UXS1: variants seen among roughly 807,000 people sequenced by gnomAD.
UXS1 encodes UDP-glucuronic acid decarboxylase 1.
In UXS1, 33 loss-of-function variants were observed where a neutral mutation model predicts 62.6. The observed-to-expected ratio is 0.53, with a 90% confidence interval of 0.40 to 0.70. UXS1 has a LOEUF of 0.70. UXS1 is among the 30% of genes least tolerant of loss of function. UXS1 has a pLI of 0.00. For missense variants in UXS1, 434 were observed against 556.3 expected, an observed-to-expected ratio of 0.78 and a Z score of 2.21; for synonymous variants, 213 against 206.8, an observed-to-expected ratio of 1.03 and a Z score of -0.26.
At position 106,096,211 on chromosome 2, in the gene UXS1, T is replaced by C. The variant is rs563972761; in HGVS notation, c.1146+507A>G. Among the ~76,000 whole-genome samples, 54 of 152,160 alleles carry C rather than the reference T, an allele frequency of 3.5e-4. No homozygotes were observed. In the South Asian group the frequency reaches 0.01, roughly 29 times the overall value. On this transcript the variant is annotated intron_variant, in intron 14 of 14. Coordinates refer to ENST00000283148, the MANE Select transcript of UXS1 (RefSeq NM_001253875.2). ...GTGTGTGTGTGTGTGTGTGTATGTA[T>C]GTGGGAGAGGGAGTGTATGTGTGAA...
chr2:106,104,321 T>TG (rs1677865888), intron 11 of UXS1, among the ~76,000 whole-genome samples: 1 of 152,166 alleles, frequency 6.6e-6, no homozygotes, highest in African/African-American at 2.4e-5. Flanking sequence ...GTGAATCTAT[T>TG]CAAAAAATAT....
At chr2:106,138,071 G>A (rs2104970059) in intron 6 of UXS1, 2 of 609,558 alleles carry the variant, frequency 3.3e-6, no homozygotes, top group East Asian at 1.4e-4. Context: ...GGTATGCAGG[G>A]AAAGACAGGA....
intron 1 of UXS1, among the ~76,000 whole-genome samples, chr2:106,179,850 G>A (rs777165889): frequency 6.6e-6 from 1 of 152,196 alleles, no homozygotes; most frequent in Admixed American, 6.5e-5. Context: ...GCTCATGCCT[G>A]TAATCCCAGC....
Position 106,194,250 on chromosome 2 carries a change from GCCGCGCGGGTCCAGGGCCCTA to G in UXS1, c.-30_-10del, listed in dbSNP as rs1226385321. On this transcript the variant is annotated 5_prime_UTR_variant, in exon 1 of 15. Coordinates refer to ENST00000283148, the MANE Select transcript of UXS1 (RefSeq NM_001253875.2). ...AGCGCCTTGCTCACCATCCCCGGGA[GCCGCGCGGGTCCAGGGCCCTA>G]CCGCGCGGGGGCCCGCCTGCTGCAC... 3.6e-5 allele frequency: 52 copies of G among 1,424,894 alleles called. No individual in the cohort carries two copies. Among genetic ancestry groups the G allele is most frequent in the Non-Finnish European group, 3.6e-5 (39 of 1,082,040 alleles). The allele number at this position is 1,424,894 out of a possible 1,614,324, so 88.3% of individuals were successfully genotyped here.
chr2:106,127,630 CA>C (rs1306599871), intron 7 of UXS1, among the ~76,000 whole-genome samples: 2 of 152,050 alleles, frequency 1.3e-5, no homozygotes, highest in African/African-American at 2.4e-5. Flanking sequence ...GGGAGGTGGG[CA>C]AGTTACATAG....
intron 1 of UXS1, among the ~76,000 whole-genome samples, chr2:106,188,932 GAAC>G (rs1260859505): frequency 6.6e-6 from 1 of 151,914 alleles, no homozygotes; most frequent in Non-Finnish European, 1.5e-5. Context: ...AAAGTTCACA[GAAC>G]AAAAAAGAAC....
intron 1 of UXS1, among the ~76,000 whole-genome samples, chr2:106,188,228 A>G (rs1223526361): frequency 6.6e-6 from 1 of 152,114 alleles, no homozygotes; most frequent in Non-Finnish European, 1.5e-5. Flanking sequence ...TTAAGGAATC[A>G]ATCCACGTGG....
chr2:106,138,820 C>T, intron 6 of UXS1: 1 of 985,454 alleles, frequency 1.0e-6, no homozygotes, highest in South Asian at 4.7e-5. Context: ...TTCCCACCAC[C>T]CCCCTCTCCT....
At chr2:106,182,648 C>A (rs528480134) in intron 1 of UXS1, among the ~76,000 whole-genome samples, 17 of 152,312 alleles carry the variant, frequency 1.1e-4, no homozygotes, top group African/African-American at 4.1e-4. Flanking sequence ...GCCACCACAG[C>A]TGTGCCCCAA....
intron 10 of UXS1, among the ~76,000 whole-genome samples, chr2:106,111,980 A>G (rs1041466267): frequency 1.3e-5 from 2 of 152,224 alleles, no homozygotes; most frequent in African/African-American, 4.8e-5. Flanking sequence ...AGATGCCGGC[A>G]GAGCCTCTCA....
chr2:106,138,135 T>C (rs1354822842), intron 6 of UXS1: 2 of 982,148 alleles, frequency 2.0e-6, no homozygotes, highest in African/African-American at 3.5e-5. Context: ...ACAGGAAGCC[T>C]CTCCGACATC....
chr2:106,104,646 C>T (rs1228509486), intron 11 of UXS1, 148 bp downstream of exon 11: 19 of 923,976 alleles, frequency 2.1e-5, no homozygotes, highest in Non-Finnish European at 2.8e-5. Context: ...CAAGTTTTCC[C>T]ATCATAAAAT....
chr2:106,189,939 C>A (rs1202813693), intron 1 of UXS1, among the ~76,000 whole-genome samples: 1 of 152,140 alleles, frequency 6.6e-6, no homozygotes, highest in Admixed American at 6.5e-5. Flanking sequence ...AAACAGAAGT[C>A]CTGCAGTGGG....
chr2:106,177,854 T>A (rs1322876530), intron 1 of UXS1, among the ~76,000 whole-genome samples: 3 of 152,182 alleles, frequency 2.0e-5, no homozygotes, highest in African/African-American at 7.2e-5. Flanking sequence ...AAGCAGAAAC[T>A]CTGGGGTGTG....
chr2:106,143,146 A>G (rs1370696481), intron 6 of UXS1, among the ~76,000 whole-genome samples: 1 of 151,922 alleles, frequency 6.6e-6, no homozygotes, highest in East Asian at 1.9e-4. Flanking sequence ...GAGAGTAGTA[A>G]TATTAATAGG....
chr2:106,097,956 G>A (rs1025497893), intron 13 of UXS1, among the ~76,000 whole-genome samples: 6 of 152,236 alleles, frequency 3.9e-5, no homozygotes, highest in African/African-American at 9.6e-5. Flanking sequence ...GACCAATGCC[G>A]ATGAATGGCA....
chr2:106,177,342 C>T (rs551526065), intron 1 of UXS1, among the ~76,000 whole-genome samples: 24 of 151,978 alleles, frequency 1.6e-4, no homozygotes, highest in African/African-American at 5.8e-4. Flanking sequence ...ATTACAGTTG[C>T]GTGCTACCAC....
chr2:106,096,380 TGTGA>T (rs1367641085), intron 14 of UXS1, among the ~76,000 whole-genome samples: 2 of 152,172 alleles, frequency 1.3e-5, no homozygotes, highest in Non-Finnish European at 2.9e-5. Flanking sequence ...TATATGACAG[TGTGA>T]GTGTGTGGGA....
chr2:106,188,530 G>A (rs930115703), intron 1 of UXS1, among the ~76,000 whole-genome samples: 2 of 152,214 alleles, frequency 1.3e-5, no homozygotes, highest in Non-Finnish European at 2.9e-5. Flanking sequence ...TGGAATCAGG[G>A]TCTCTGACAG....
Sources: allele counts gnomAD v4.1 joint callset (sites outside exome capture counted in the v4.1 genomes callset), GRCh38; gene constraint gnomAD v4.1.1; transcripts MANE v1.5; gene names NCBI Gene and HGNC (gene_info 2026-07-23, HGNC 2026-07-21).